The following F13A1 variants were observed in gnomAD, a reference collection of about 807,000 sequenced individuals.
F13A1 encodes FSF, A subunit.
In F13A1, 47 loss-of-function variants were observed where a neutral mutation model predicts 80.1. That is an observed-to-expected ratio of 0.59 (90% CI 0.46 to 0.75). F13A1 has a LOEUF of 0.75. Among genes scored for constraint, F13A1 ranks in the 30% least tolerant of loss-of-function variants. The pLI, the probability that F13A1 is intolerant of heterozygous loss-of-function variation, is 0.00. For missense variants in F13A1, 817 were observed against 930.4 expected (o/e 0.88, Z 1.59); for synonymous variants, 349 against 344.9 (o/e 1.01, Z -0.13).
intron 11 of F13A1, among the ~76,000 whole-genome samples, chr6:6,175,858 G>A (rs1393539977): frequency 6.6e-6 from 1 of 152,214 alleles, no homozygotes; most frequent in African/African-American, 2.4e-5. Flanking sequence ...AAAGAGGAGG[G>A]TAACCTCCAG....
At chr6:6,166,386 C>T (rs1473353188) in intron 13 of F13A1, among the ~76,000 whole-genome samples, 1 of 152,228 alleles carries the variant, frequency 6.6e-6, no homozygotes, top group African/African-American at 2.4e-5. Flanking sequence ...GAAGCAAGGA[C>T]TACCTACCCT....
intron 3 of F13A1, among the ~76,000 whole-genome samples, chr6:6,271,644 C>T (rs930624876): frequency 2.0e-5 from 3 of 152,212 alleles, no homozygotes; most frequent in African/African-American, 7.2e-5. Context: ...AATTGGACTA[C>T]TAAACATGAG....
intron 10 of F13A1, among the ~76,000 whole-genome samples, chr6:6,191,836 G>A (rs1461410186): frequency 6.6e-6 from 1 of 152,236 alleles, no homozygotes; most frequent in East Asian, 1.9e-4. Context: ...CAGCAATGCG[G>A]TTACAAGAGC....
intron 6 of F13A1, among the ~76,000 whole-genome samples, chr6:6,248,080 T>C (rs764243777): frequency 7.2e-5 from 11 of 152,232 alleles, no homozygotes; most frequent in Non-Finnish European, 1.5e-4. Context: ...ATATCTATCA[T>C]TGTTTTCTAA....
chr6:6,239,191 C>T (rs1253428801), intron 6 of F13A1, among the ~76,000 whole-genome samples: 1 of 152,114 alleles, frequency 6.6e-6, no homozygotes. Context: ...GCATTGAAAA[C>T]ACATGTAACA....
intron 6 of F13A1, among the ~76,000 whole-genome samples, chr6:6,239,690 GA>G (rs1326078016): frequency 6.8e-6 from 1 of 148,142 alleles, no homozygotes; most frequent in Admixed American, 6.8e-5. Context: ...TGACAATAAT[GA>G]GAGAAATAAG....
chr6:6,229,554 C>T (rs1386446952), intron 6 of F13A1, among the ~76,000 whole-genome samples: 1 of 152,032 alleles, frequency 6.6e-6, no homozygotes, highest in Admixed American at 6.6e-5. Context: ...GATTAGTGTC[C>T]TTAAAATAGA....
intron 6 of F13A1, among the ~76,000 whole-genome samples, chr6:6,226,900 C>A (rs1225052790): frequency 6.6e-6 from 1 of 151,890 alleles, no homozygotes; most frequent in African/African-American, 2.4e-5. Context: ...AGGGAGTTAT[C>A]AGTTAGATTG....
chr6:6,229,852 T>C (rs1444420903), intron 6 of F13A1, among the ~76,000 whole-genome samples: 1 of 152,318 alleles, frequency 6.6e-6, no homozygotes, highest in Non-Finnish European at 1.5e-5. Flanking sequence ...GGTCTGTTTG[T>C]GGGAGAAGTT....
At chr6:6,192,922 T>C (rs1337180451) in intron 10 of F13A1, among the ~76,000 whole-genome samples, 1 of 152,158 alleles carries the variant, frequency 6.6e-6, no homozygotes, top group African/African-American at 2.4e-5. Flanking sequence ...GAGAGAGTTC[T>C]TCACTAAGAA....
At chr6:6,178,396 A>G (rs1466399773) in intron 11 of F13A1, among the ~76,000 whole-genome samples, 1 of 152,120 alleles carries the variant, frequency 6.6e-6, no homozygotes, top group Non-Finnish European at 1.5e-5. Context: ...TTCAGAGGGG[A>G]CATTTAGAGG....
intron 11 of F13A1, 152 bp from the exon 12 acceptor site, chr6:6,175,019 A>G (rs909844721): frequency 2.4e-5 from 23 of 956,568 alleles, no homozygotes; most frequent in Non-Finnish European, 3.2e-5. Flanking sequence ...CATTATTCCT[A>G]TGTTATAAAT....
chr6:6,279,717 A>G (rs1282846101), intron 3 of F13A1, among the ~76,000 whole-genome samples: 1 of 152,152 alleles, frequency 6.6e-6, no homozygotes, highest in Non-Finnish European at 1.5e-5. Context: ...CCATTTGCTC[A>G]TTTGCTTGTG....
At position 6,158,039 on chromosome 6, in the gene F13A1, G is replaced by A. The variant is rs563850074; in HGVS notation, c.1909-6090C>T. Among the ~76,000 whole-genome samples the A allele has an allele frequency of 1.4e-4, 21 of 152,154 alleles. No homozygotes were observed. In the South Asian group the frequency reaches 2.7e-3, roughly 20 times the overall value. On this transcript the variant is annotated intron_variant, in intron 13 of 14. Transcript: ENST00000264870. ...AAGGGCACCCACGGTTTGGTCCCACGGCCACAATCCTCTGTGAAAGTAGCC... is the reference window on the plus strand; with the variant it reads ...AAGGGCACCCACGGTTTGGTCCCACAGCCACAATCCTCTGTGAAAGTAGCC...
At chr6:6,152,497 C>T (rs1760397000) in intron 13 of F13A1, among the ~76,000 whole-genome samples, 2 of 152,070 alleles carry the variant, frequency 1.3e-5, no homozygotes, top group Non-Finnish European at 2.9e-5. Flanking sequence ...AGCCACAGTA[C>T]CAGAGTCCAG....
At chr6:6,257,939 C>T (rs749247403) in intron 4 of F13A1, among the ~76,000 whole-genome samples, 2 of 152,162 alleles carry the variant, frequency 1.3e-5, no homozygotes, top group African/African-American at 2.4e-5. Context: ...AGCCTGTGCC[C>T]TTGTTGGTAT....
At chr6:6,290,274 C>A (rs12111211) in intron 3 of F13A1, among the ~76,000 whole-genome samples, 8,519 of 152,174 alleles carry the variant, frequency 0.056, 623 homozygotes, top group African/African-American at 0.17. Context: ...TGCACAAAAT[C>A]TTAAGTGTCA....
At chr6:6,203,020 G>A (rs1375285213) in intron 8 of F13A1, among the ~76,000 whole-genome samples, 1 of 152,222 alleles carries the variant, frequency 6.6e-6, no homozygotes, top group African/African-American at 2.4e-5. Flanking sequence ...GCAAAGACAA[G>A]TGTGTTATGT....
intron 13 of F13A1, among the ~76,000 whole-genome samples, chr6:6,163,183 G>A (rs1760603344): frequency 6.6e-6 from 1 of 152,202 alleles, no homozygotes; most frequent in Admixed American, 6.5e-5. Context: ...GGCTCAGTCA[G>A]TTGTGTGTCC....
Sources: gnomAD v4.1 joint callset for allele counts (sites outside exome capture counted in the v4.1 genomes callset) on GRCh38, gnomAD v4.1.1 for gene constraint, MANE v1.5 for transcripts, NCBI Gene and HGNC (gene_info 2026-07-23, HGNC 2026-07-21) for gene names.